The following FRMPD4 variants were observed in gnomAD, a reference collection of about 807,000 sequenced individuals.
FRMPD4 encodes FERM and PDZ domain-containing protein 4.
Under a neutral mutation model 94.1 loss-of-function variants are expected in FRMPD4, and 22 were observed. The ratio of observed to expected loss-of-function variants is 0.23; its 90% CI spans 0.17 to 0.33. FRMPD4 has a LOEUF of 0.33. FRMPD4 is among the 10% of genes least tolerant of loss of function. The pLI, the probability that FRMPD4 is intolerant of heterozygous loss-of-function variation, is 1.00. For missense variants in FRMPD4, 1,111 were observed against 1,339.9 expected (o/e 0.83, Z 2.67); for synonymous variants, 631 against 548.6 (o/e 1.15, Z -2.10).
At chrX:12,023,401 G>A (rs1038280247) in intron 3 of FRMPD4, among the ~76,000 whole-genome samples, 8 of 111,493 alleles carry the variant, frequency 7.2e-5, no homozygotes, top group African/African-American at 1.3e-4. Context: ...AAATTCCCAC[G>A]CATGGCACAT....
rs769855370 is a variant in FRMPD4, at chrX:12,372,720, T to C, written c.42-125960T>C. Among the ~76,000 whole-genome samples, 4 of 112,752 alleles carry C rather than the reference T, an allele frequency of 3.5e-5. No homozygotes were observed. The East Asian group carries it at 8.3e-4, about 24-fold the overall frequency. ...TCTGTACATTGGGCCTCCAGGTTAA[T>C]TGGGTTTCTAGAAGGATCCTAGGAA... On this transcript the variant is annotated intron_variant, in intron 1 of 16. Transcript: ENST00000675598.
chrX:12,680,424 G>C lies in FRMPD4; in HGVS notation c.469-3059G>C, dbSNP rs547465891. Among the ~76,000 whole-genome samples, 51 of 112,259 alleles carry C rather than the reference G, an allele frequency of 4.5e-4. No homozygotes were observed. The South Asian group carries it at 0.013, about 28-fold the overall frequency. On this transcript the variant is annotated intron_variant, in intron 5 of 16. Transcript: ENST00000675598. ...AAGATAAATCTGTGTTAAAACTATA[G>C]TCATGACTGGTTTACATTACCCCAT...
Position 12,212,545 on chromosome X carries a change from G to A in FRMPD4, c.41+73533G>A, listed in dbSNP as rs10442461. Reference sequence around the variant, plus strand: ...CTTTATGCCTCTCTGAGAACTGAGCGGTGTTGACAACCAGCCTAGACTTCT... The same window carrying A: ...CTTTATGCCTCTCTGAGAACTGAGCAGTGTTGACAACCAGCCTAGACTTCT... On this transcript the variant is annotated intron_variant, in intron 1 of 16. Coordinates refer to ENST00000675598, the MANE Select transcript of FRMPD4 (RefSeq NM_001368397.1). Among the ~76,000 whole-genome samples, 643 of 111,293 alleles carry A rather than the reference G, an allele frequency of 5.8e-3. 2 individuals carry two copies. The highest frequency in any genetic ancestry group is 0.02 in the African/African-American group (615 of 30,676).
At position 12,490,229 on chromosome X, in the gene FRMPD4, C is replaced by G. The variant is rs146968659; in HGVS notation, c.42-8451C>G. 7.5e-3 allele frequency among the ~76,000 whole-genome samples: 830 copies of G among 110,588 alleles called. 6 individuals are homozygous for G. Among genetic ancestry groups the G allele is most frequent in the African/African-American group, 0.026 (780 of 30,420 alleles). On this transcript the variant is annotated intron_variant, in intron 1 of 16. Coordinates refer to ENST00000675598, the MANE Select transcript of FRMPD4 (RefSeq NM_001368397.1). ...GCCAAACTCCCCCTTTTATAATAAA[C>G]CATTCCCACGATAACAGCATTAATT... is the stretch of plus-strand genomic sequence containing the variant.
chrX:12,587,235 A>G (rs1267707449), intron 2 of FRMPD4, among the ~76,000 whole-genome samples: 1 of 111,594 alleles, frequency 9.0e-6, no homozygotes, highest in African/African-American at 3.3e-5. Context: ...TAGGCCTCCC[A>G]AAGTGCTGGG....
chrX:11,852,468 G>GA (rs968265178), intron 1 of FRMPD4, among the ~76,000 whole-genome samples: 9 of 100,657 alleles, frequency 8.9e-5, no homozygotes, highest in South Asian at 4.4e-4. Flanking sequence ...AAAAGAAAAA[G>GA]AAAAAAAAGA....
chrX:12,540,317 T>C (rs1299846374), intron 2 of FRMPD4, among the ~76,000 whole-genome samples: 2 of 111,188 alleles, frequency 1.8e-5, no homozygotes, highest in African/African-American at 3.3e-5. Context: ...GAATCAAGAC[T>C]CATCAGTGTG....
rs1476680725 is a variant in FRMPD4 at position 12,707,528 on chromosome X, T to C, written c.1347T>C (p.His449=). Reference sequence around the variant, plus strand: ...TTGGGCCCCGGTATGGCATAAGCCATGTCATCAACACCAAAACCAATCTGG... The same window carrying C: ...TTGGGCCCCGGTATGGCATAAGCCACGTCATCAACACCAAAACCAATCTGG... ...LLVGPRYGIS[H]VINTKTNLVA... Residue 449 remains histidine (H), a synonymous_variant, in exon 13 of 17, where the codon CAT becomes CAC. Coordinates refer to ENST00000675598, the MANE Select transcript of FRMPD4 (RefSeq NM_001368397.1). 2 of 1,208,772 alleles carry C rather than the reference T, an allele frequency of 1.7e-6. No individual in the cohort carries two copies. The highest frequency in any genetic ancestry group is 1.1e-6 in the Non-Finnish European group (1 of 892,673).
intron 13 of FRMPD4, among the ~76,000 whole-genome samples, chrX:12,707,911 G>A (rs2041909216): frequency 8.9e-6 from 1 of 111,898 alleles, no homozygotes; most frequent in Non-Finnish European, 1.9e-5. Flanking sequence ...TAATTTCTAG[G>A]TCCCTTCTGA....
At chrX:11,929,667 C>G (rs1210396627) in intron 3 of FRMPD4, among the ~76,000 whole-genome samples, 1 of 112,009 alleles carries the variant, frequency 8.9e-6, no homozygotes, top group African/African-American at 3.2e-5. Flanking sequence ...ATGTGAGGCC[C>G]TATGCAATGT....
chrX:12,613,846 G>A (rs1401525013), intron 3 of FRMPD4, among the ~76,000 whole-genome samples: 6 of 112,325 alleles, frequency 5.3e-5, no homozygotes, highest in Admixed American at 9.3e-5. Context: ...GCATGGTGGC[G>A]GGCGCCTGTA....
At chrX:12,169,366 T>G (rs2056181245) in intron 1 of FRMPD4, among the ~76,000 whole-genome samples, 1 of 112,298 alleles carries the variant, frequency 8.9e-6, no homozygotes, top group African/African-American at 3.2e-5. Flanking sequence ...ATATACCAAA[T>G]TTCATTGACT....
intron 3 of FRMPD4, among the ~76,000 whole-genome samples, chrX:12,024,682 T>C (rs751590221): frequency 5.3e-5 from 6 of 112,489 alleles, no homozygotes; most frequent in Admixed American, 9.4e-5. Flanking sequence ...AACATTTTCA[T>C]GATTTTAAAA....
At chrX:12,303,526 A>G (rs2054891490) in intron 1 of FRMPD4, among the ~76,000 whole-genome samples, 2 of 112,062 alleles carry the variant, frequency 1.8e-5, no homozygotes, top group Non-Finnish European at 3.8e-5. Context: ...ATAAGTTTAT[A>G]GTATATTTGA....
At position 12,181,896 on chromosome X, in the gene FRMPD4, C is replaced by T. The variant is rs754707797; in HGVS notation, c.41+42884C>T. Among the ~76,000 whole-genome samples the T allele has an allele frequency of 2.7e-5, 3 of 111,522 alleles. No individual in the cohort carries two copies. In the South Asian group the frequency reaches 1.1e-3, roughly 42 times the overall value. On this transcript the variant is annotated intron_variant, in intron 1 of 16. Coordinates refer to ENST00000675598, the MANE Select transcript of FRMPD4 (RefSeq NM_001368397.1). The stretch of plus-strand genomic sequence containing the variant: ...TTCATTTTCCGGCAGCCTTTTTTTC[C>T]CTCCCATTAGCAGCTTTAAGGCTTT...
intron 3 of FRMPD4, among the ~76,000 whole-genome samples, chrX:12,050,969 A>G (rs2054814037): frequency 8.9e-6 from 1 of 111,898 alleles, no homozygotes; most frequent in Admixed American, 9.5e-5. Flanking sequence ...TACTACAATG[A>G]AACACACACA....
intron 1 of FRMPD4, among the ~76,000 whole-genome samples, chrX:12,293,381 G>A (rs1398683001): frequency 2.7e-5 from 3 of 112,485 alleles, no homozygotes; most frequent in Non-Finnish European, 5.6e-5. Flanking sequence ...CTTTGAAATA[G>A]CCAGAAAGAA....
intron 3 of FRMPD4, among the ~76,000 whole-genome samples, chrX:11,985,157 G>A (rs1180035503): frequency 9.0e-6 from 1 of 111,637 alleles, no homozygotes; most frequent in African/African-American, 3.3e-5. Flanking sequence ...AAAATCAAGA[G>A]AGGAGAGTCA....
intron 1 of FRMPD4, among the ~76,000 whole-genome samples, chrX:11,823,303 ATAAT>A (rs1462367708): frequency 1.8e-5 from 2 of 108,966 alleles, no homozygotes; most frequent in Non-Finnish European, 3.8e-5. Flanking sequence ...TATAATAATA[ATAAT>A]TATTATTATT....
Sources: allele counts gnomAD v4.1 joint callset (sites outside exome capture counted in the v4.1 genomes callset), GRCh38; gene constraint gnomAD v4.1.1; transcripts MANE v1.5; gene names NCBI Gene and HGNC (gene_info 2026-07-23, HGNC 2026-07-21).